The following PHC3 variants were observed in gnomAD, a reference collection of about 807,000 sequenced individuals.
The protein encoded by PHC3 is polyhomeotic-like protein 3.
Under a neutral mutation model 107.4 loss-of-function variants are expected in PHC3, and 13 were observed. The ratio of observed to expected loss-of-function variants is 0.12; its 90% CI spans 0.08 to 0.19. The LOEUF (loss-of-function observed/expected upper bound fraction) is 0.19, where lower values mean the gene tolerates loss of function less well. Ranked by LOEUF, PHC3 falls within the 10% of genes least tolerant of loss-of-function variation. The pLI, the probability that PHC3 is intolerant of heterozygous loss-of-function variation, is 1.00. For synonymous variants in PHC3, 456 were observed against 427.4 expected (o/e 1.07, Z -0.83); for missense variants, 992 against 1,210.9 (o/e 0.82, Z 2.68).
Position 170,097,400 on chromosome 3 carries a change from A to G in PHC3, c.2834-16T>C. The stretch of plus-strand genomic sequence containing the variant: ...TCCTGGCAGCCTGGAATTTGACCAG[A>G]GGACAGAAGTTAGAATTAAATATAC... On this transcript the variant is annotated splice_polypyrimidine_tract_variant and intron_variant, in intron 14 of 14. Coordinates refer to ENST00000495893, the MANE Select transcript of PHC3 (RefSeq NM_024947.4). The surrounding 1 kb of genome is among the most constrained non-coding windows in gnomAD (Gnocchi z 4.1). 2 of 1,608,506 alleles carry G rather than the reference A, an allele frequency of 1.2e-6. No individual in the cohort carries two copies. Among genetic ancestry groups the G allele is most frequent in the East Asian group, 2.2e-5 (1 of 44,836 alleles).
intron 2 of PHC3, among the ~76,000 whole-genome samples, chr3:170,177,731 T>A (rs1340105239): frequency 7.1e-6 from 1 of 141,472 alleles, no homozygotes; most frequent in East Asian, 2.2e-4. Flanking sequence ...AGTACAGTGG[T>A]GCGATCACAG....
At chr3:170,144,271 G>A (rs1314901054) in intron 6 of PHC3, among the ~76,000 whole-genome samples, 1 of 151,782 alleles carries the variant, frequency 6.6e-6, no homozygotes, top group Non-Finnish European at 1.5e-5. Flanking sequence ...AACACAGGAG[G>A]TGGAGGTTGC....
intron 5 of PHC3, chr3:170,147,287 G>A (rs919580469): frequency 6.6e-6 from 1 of 152,100 alleles, no homozygotes; most frequent in African/African-American, 2.4e-5. Flanking sequence ...ATTGTATCAA[G>A]GGTTATTCAG....
chr3:170,113,571 G>A (rs1718257559), intron 10 of PHC3, 52 bp from the exon 11 acceptor site: 9 of 1,516,296 alleles, frequency 5.9e-6, no homozygotes, highest in Non-Finnish European at 8.0e-6. Context: ...AAGACATTCA[G>A]AAATACTTTG....
intron 2 of PHC3, among the ~76,000 whole-genome samples, chr3:170,174,898 A>G (rs1302846411): frequency 2.6e-5 from 4 of 152,212 alleles, no homozygotes; most frequent in African/African-American, 9.6e-5. Flanking sequence ...TTCTAATTCC[A>G]TAACAAAATT....
Position 170,118,117 on chromosome 3 carries a change from CT to C in PHC3, c.1943-642del, listed in dbSNP as rs370191053. Among the ~76,000 whole-genome samples the C allele has an allele frequency of 1.6e-3, 239 of 152,262 alleles. 9 individuals carry two copies. In the South Asian group the frequency reaches 0.048, roughly 31 times the overall value. On this transcript the variant is annotated intron_variant, in intron 9 of 14. Coordinates refer to ENST00000495893, the MANE Select transcript of PHC3 (RefSeq NM_024947.4). ...GTTGCTTGGTTTTGTTTTGATGTTT[CT>C]TAATTTTAAGCTATTAAATCCCCTA...
rs1336298324 is a variant in PHC3, at chr3:170,173,207, C to A, written c.181-495G>T. Among the ~76,000 whole-genome samples, 224 of 148,830 alleles carry A rather than the reference C, an allele frequency of 1.5e-3. 2 individuals are homozygous for A. The highest frequency in any genetic ancestry group is 4.7e-3 in the African/African-American group (191 of 40,664). ...GACTCCCATCTCAAAAAAAAAAAAA[C>A]AAAACAAAACCCAGTGGACAATTCG... On this transcript the variant is annotated intron_variant, in intron 2 of 14. Coordinates refer to ENST00000495893, the MANE Select transcript of PHC3 (RefSeq NM_024947.4).
chr3:170,144,063 ACGC>A (rs1324289134), intron 6 of PHC3, among the ~76,000 whole-genome samples: 2 of 151,646 alleles, frequency 1.3e-5, no homozygotes, highest in East Asian at 1.9e-4. Context: ...GTGGTGGCTC[ACGC>A]CTGCAATCCC....
At chr3:170,138,837 C>T (rs1723583500) in intron 6 of PHC3, among the ~76,000 whole-genome samples, 3 of 152,142 alleles carry the variant, frequency 2.0e-5, no homozygotes, top group Admixed American at 2.0e-4. Flanking sequence ...TCATATTCCA[C>T]CCAAACTGTT....
intron 2 of PHC3, 65 bp downstream of exon 2, chr3:170,178,708 C>T (rs1440498059): frequency 6.5e-7 from 1 of 1,527,002 alleles, no homozygotes; most frequent in Admixed American, 1.7e-5. Flanking sequence ...TACATAAATC[C>T]AGCTTAAGCA....
In PHC3 at chr3:170,111,616, T is replaced by G. The variant is rs1194715675; in HGVS notation, c.2353+1744A>C. 2.0e-5 allele frequency among the ~76,000 whole-genome samples: 3 copies of G among 152,216 alleles called. No homozygotes were observed. The East Asian group carries it at 5.8e-4, about 29-fold the overall frequency. ...ACGATTCTAATGAATGTTTGAAATTTTTCAAGGTTAACATTCTTTCAAATT... is the reference window on the plus strand; with the variant it reads ...ACGATTCTAATGAATGTTTGAAATTGTTCAAGGTTAACATTCTTTCAAATT... On this transcript the variant is annotated intron_variant, in intron 11 of 14. Coordinates refer to ENST00000495893, the MANE Select transcript of PHC3 (RefSeq NM_024947.4).
At chr3:170,176,634 G>C (rs1006754545) in intron 2 of PHC3, among the ~76,000 whole-genome samples, 8 of 152,210 alleles carry the variant, frequency 5.3e-5, no homozygotes, top group Non-Finnish European at 7.3e-5. Context: ...TTTCCCATCA[G>C]TAAAATGGAG....
chr3:170,137,326 A>G (rs1268005591), intron 6 of PHC3, among the ~76,000 whole-genome samples: 1 of 152,182 alleles, frequency 6.6e-6, no homozygotes, highest in African/African-American at 2.4e-5. Context: ...TGCTACACTC[A>G]GGGCTATATG....
At chr3:170,137,335 T>C (rs923202629) in intron 6 of PHC3, among the ~76,000 whole-genome samples, 1 of 152,154 alleles carries the variant, frequency 6.6e-6, no homozygotes, top group Non-Finnish European at 1.5e-5. Flanking sequence ...CAGGGCTATA[T>C]GAAACATACT....
intron 11 of PHC3, among the ~76,000 whole-genome samples, chr3:170,107,326 T>G (rs1350827345): frequency 6.6e-6 from 1 of 152,226 alleles, no homozygotes; most frequent in Admixed American, 6.5e-5. Context: ...ATATGAATTT[T>G]GATAAATTGC....
chr3:170,173,204 AAAC>A (rs1729904829), intron 2 of PHC3, among the ~76,000 whole-genome samples: 1 of 151,952 alleles, frequency 6.6e-6, no homozygotes, highest in African/African-American at 2.4e-5. Flanking sequence ...AAAAAAAAAA[AAAC>A]AAAACAAAAC....
In PHC3 at chr3:170,088,588, A is replaced by G. The variant is rs1289748360; in HGVS notation, c.*8642T>C. 2 of 152,220 alleles carry G rather than the reference A, an allele frequency of 1.3e-5. No homozygotes were observed. The highest frequency in any genetic ancestry group is 2.9e-5 in the Non-Finnish European group (2 of 68,032). 9.4% of individuals were successfully genotyped at this position (152,220 alleles called of 1,614,324 possible). On this transcript the variant is annotated 3_prime_UTR_variant, in exon 15 of 15. Transcript: ENST00000495893. ...AGTTTAAATGTCTACATCCAAAATTATATCATCTTTGCGCATTCAGTTGAC... is the reference window on the plus strand; with the variant it reads ...AGTTTAAATGTCTACATCCAAAATTGTATCATCTTTGCGCATTCAGTTGAC...
chr3:170,181,717 T>C lies in PHC3; in HGVS notation c.-2A>G. ...AGTCACTCACTCCGCTTCCGCCATC[T>C]TCTCTCCTCCATCACTAACATGGGC... On this transcript the variant is annotated 5_prime_UTR_variant, in exon 1 of 15. Coordinates refer to ENST00000495893, the MANE Select transcript of PHC3 (RefSeq NM_024947.4). 1 of 1,613,034 alleles carries C rather than the reference T, an allele frequency of 6.2e-7. No individual in the cohort carries two copies. The highest frequency in any genetic ancestry group is 8.5e-7 in the Non-Finnish European group (1 of 1,179,820).
intron 11 of PHC3, among the ~76,000 whole-genome samples, chr3:170,107,619 T>C (rs541769576): frequency 6.6e-6 from 1 of 152,286 alleles, no homozygotes; most frequent in East Asian, 1.9e-4. Context: ...TTTAAAAAGA[T>C]GCATATATCT....
Sources: gnomAD v4.1 joint callset for allele counts (sites outside exome capture counted in the v4.1 genomes callset) on GRCh38, gnomAD v4.1.1 for gene constraint, Gnocchi (gnomAD v3.1) non-coding constraint, MANE v1.5 for transcripts, NCBI Gene and HGNC (gene_info 2026-07-23, HGNC 2026-07-21) for gene names.